SMURF1: variants seen among roughly 807,000 people sequenced by gnomAD.
SMURF1 encodes the protein SMAD specific E3 ubiquitin protein ligase 1.
A neutral mutation model predicts 98.0 loss-of-function variants in SMURF1; 44 were observed. The ratio of observed to expected loss-of-function variants is 0.45; its 90% CI spans 0.35 to 0.58. SMURF1 has a LOEUF of 0.58. Ranked by LOEUF, SMURF1 falls within the 20% of genes least tolerant of loss-of-function variation. The probability of loss-of-function intolerance (pLI) is 0.00; values close to 1 mark genes in which losing one functional copy is unlikely to be tolerated. For synonymous variants in SMURF1, 396 were observed against 374.9 expected, an observed-to-expected ratio of 1.06 and a Z score of -0.65; for missense variants, 687 against 938.4, an observed-to-expected ratio of 0.73 and a Z score of 3.50.
intron 1 of SMURF1, among the ~76,000 whole-genome samples, chr7:99,126,825 GTTCA>G (rs1319508142): frequency 6.6e-6 from 1 of 152,114 alleles, no homozygotes; most frequent in Non-Finnish European, 1.5e-5. Flanking sequence ...TCTGAACTGG[GTTCA>G]TTCAAAGTGT....
chr7:99,130,480 T>A (rs1797848639), intron 1 of SMURF1, among the ~76,000 whole-genome samples: 1 of 151,968 alleles, frequency 6.6e-6, no homozygotes, highest in Admixed American at 6.6e-5. Flanking sequence ...AAGTCCCAAA[T>A]AACATTATAC....
chr7:99,061,940 T>C (rs1048193318), intron 1 of SMURF1, 103 bp from the exon 2 acceptor site: 3 of 849,326 alleles, frequency 3.5e-6, no homozygotes, highest in African/African-American at 3.5e-5. Context: ...AAATTAGCTT[T>C]GCCGAAGATT....
intron 13 of SMURF1, among the ~76,000 whole-genome samples, chr7:99,039,712 T>G (rs1017839209): frequency 2.6e-5 from 4 of 152,078 alleles, no homozygotes; most frequent in African/African-American, 9.7e-5. Flanking sequence ...CCTGTTCAAG[T>G]TGGAACATGT....
chr7:99,138,382 G>A (rs1229252009), intron 1 of SMURF1, among the ~76,000 whole-genome samples: 1 of 152,140 alleles, frequency 6.6e-6, no homozygotes, highest in Non-Finnish European at 1.5e-5. Flanking sequence ...AGGTGATATT[G>A]AAACACTATT....
At chr7:99,041,232 T>C (rs1457395648) in intron 12 of SMURF1, among the ~76,000 whole-genome samples, 1 of 151,928 alleles carries the variant, frequency 6.6e-6, no homozygotes, top group African/African-American at 2.4e-5. Context: ...CAAAACCCCA[T>C]CTCTACTAAA....
At chr7:99,051,789 T>C (rs1795758392) in intron 7 of SMURF1, among the ~76,000 whole-genome samples, 3 of 152,208 alleles carry the variant, frequency 2.0e-5, no homozygotes, top group Non-Finnish European at 4.4e-5. Context: ...CAGTTGTCTT[T>C]ACACTGCCAC....
Position 99,029,505 on chromosome 7 carries a change from C to T in SMURF1, c.*1079G>A, listed in dbSNP as rs1794809082. ...TGAGGCAGTGAGTGTGAAGTCGTCCCCCTCTGCTGTCACAGGTTTGCGTCC... is the reference window on the plus strand; with the variant it reads ...TGAGGCAGTGAGTGTGAAGTCGTCCTCCTCTGCTGTCACAGGTTTGCGTCC... On this transcript the variant is annotated 3_prime_UTR_variant, in exon 18 of 18. Transcript: ENST00000361368. 1 of 152,180 alleles carries T rather than the reference C, an allele frequency of 6.6e-6. No homozygotes were observed. The allele number at this position is 152,180 out of a possible 1,614,324, so 9.4% of individuals were successfully genotyped here.
In SMURF1 at chr7:99,055,740, G is replaced by A. The variant is rs575241570; in HGVS notation, c.404-875C>T. Reference sequence around the variant, plus strand: ...AGCACTCTGGGAGGCTAAGGCGGGCGGATCACCTGAGGCTGGGAGTTCCAG... The same window carrying A: ...AGCACTCTGGGAGGCTAAGGCGGGCAGATCACCTGAGGCTGGGAGTTCCAG... On this transcript the variant is annotated intron_variant, in intron 5 of 17. Transcript: ENST00000361368. Among the ~76,000 whole-genome samples the A allele has an allele frequency of 2.4e-3, 367 of 152,192 alleles. 1 individual carries two copies. Among genetic ancestry groups the A allele is most frequent in the African/African-American group, 8.4e-3 (350 of 41,510 alleles).
chr7:99,120,810 A>G (rs1321109710), intron 1 of SMURF1: 1 of 141,730 alleles, frequency 7.1e-6, no homozygotes, highest in African/African-American at 2.5e-5. Context: ...GAAAGGGAGA[A>G]AAAAAAAAAA....
In SMURF1 at chr7:99,040,472, C is replaced by A; in HGVS notation, c.1456G>T (p.Val486Leu). ...HGHYINGGFT[V>L]PFYKQLLGKP... Reference sequence around the variant, plus strand: ...CCCAGCAGCTGCTTGTAGAAGGGCACTGTGAAGCCCCCGTTGATGTAGTGT... The same window carrying A: ...CCCAGCAGCTGCTTGTAGAAGGGCAATGTGAAGCCCCCGTTGATGTAGTGT... The change falls in exon 13 of 18, where the codon GTG becomes TTG. Residue 486 changes from valine (V) to leucine (L), a missense_variant. Around this residue, in one of 2 missense-constraint regions of SMURF1, gnomAD observed 272 missense variants for 430.0 expected, o/e 0.63. Transcript: ENST00000361368. 5 of 1,590,886 alleles carry A rather than the reference C, an allele frequency of 3.1e-6. No individual in the cohort carries two copies. The highest frequency in any genetic ancestry group is 4.3e-6 in the Non-Finnish European group (5 of 1,168,470).
chr7:99,046,921 G>A (rs888367004), intron 10 of SMURF1, among the ~76,000 whole-genome samples: 8 of 152,256 alleles, frequency 5.3e-5, no homozygotes, highest in African/African-American at 9.6e-5. Context: ...CAGCCCTCGC[G>A]GTGGGGAAGG....
At chr7:99,036,920 C>A in intron 15 of SMURF1, 147 bp downstream of exon 15, 1 of 1,198,422 alleles carries the variant, frequency 8.3e-7, no homozygotes, top group Non-Finnish European at 1.2e-6. Context: ...CCCACTCTTG[C>A]TCCAGCCCTG....
intron 10 of SMURF1, among the ~76,000 whole-genome samples, chr7:99,046,459 T>C (rs1795577949): frequency 6.6e-6 from 1 of 152,102 alleles, no homozygotes; most frequent in African/African-American, 2.4e-5. Context: ...CCGGGCGCGG[T>C]GGCTCCGCCT....
intron 1 of SMURF1, among the ~76,000 whole-genome samples, chr7:99,100,234 C>T (rs1235887730): frequency 2.0e-5 from 3 of 152,034 alleles, no homozygotes; most frequent in Non-Finnish European, 2.9e-5. Context: ...AAAGTAAGAA[C>T]GCATCCAGCA....
rs374296083 is a variant in SMURF1 at position 99,071,485 on chromosome 7, G to GGATC, written c.56-9652_56-9649dup. 9.7e-4 allele frequency among the ~76,000 whole-genome samples: 147 copies of GGATC among 152,150 alleles called. 2 individuals are homozygous for GGATC. The highest frequency in any genetic ancestry group is 3.4e-3 in the African/African-American group (140 of 41,494). ...ACATTCCAAGAAAACCGGTAACTGG[G>GGATC]GATCACTCTCTATTTTTTAACATTA... On this transcript the variant is annotated intron_variant, in intron 1 of 17. Transcript: ENST00000361368.
At chr7:99,056,893 C>G (rs1795888224) in intron 5 of SMURF1, among the ~76,000 whole-genome samples, 1 of 147,538 alleles carries the variant, frequency 6.8e-6, no homozygotes, top group East Asian at 2.0e-4. Flanking sequence ...GTCCCAAGTA[C>G]TCGGGAGGCT....
At chr7:99,057,591 G>GGTT in intron 3 of SMURF1, 40 bp from the exon 4 acceptor site, 2 of 1,323,462 alleles carry the variant, frequency 1.5e-6, no homozygotes, top group Middle Eastern at 2.0e-4. Context: ...ATTGTGTTTG[G>GGTT]TTTTTTTTGT....
intron 5 of SMURF1, among the ~76,000 whole-genome samples, chr7:99,055,468 C>CA (rs1212136483): frequency 2.0e-5 from 3 of 148,990 alleles, no homozygotes; most frequent in Non-Finnish European, 3.0e-5. Flanking sequence ...ACTCTGTCTC[C>CA]AAAAAAAATT....
rs371982246 is a variant in SMURF1 at position 99,033,498 on chromosome 7, T to C, written c.2012-377A>G. ...TGTTGTATTTTTAGTAGAGACGGGGTTTTGCCATGTTTCCCAGGCTGGTCT... is the reference window on the plus strand; with the variant it reads ...TGTTGTATTTTTAGTAGAGACGGGGCTTTGCCATGTTTCCCAGGCTGGTCT... On this transcript the variant is annotated intron_variant, in intron 16 of 17. Coordinates refer to ENST00000361368, the MANE Select transcript of SMURF1 (RefSeq NM_181349.3). Among the ~76,000 whole-genome samples, 3 of 151,928 alleles carry C rather than the reference T, an allele frequency of 2.0e-5. No homozygotes were observed. The South Asian group carries it at 6.2e-4, about 32-fold the overall frequency.
Sources: gnomAD v4.1 joint callset for allele counts (sites outside exome capture counted in the v4.1 genomes callset) on GRCh38, gnomAD v4.1.1 for gene constraint, gnomAD v4.1.1 regional missense constraint, MANE v1.5 for transcripts, NCBI Gene and HGNC (gene_info 2026-07-23, HGNC 2026-07-21) for gene names.